PTPRT: variants seen among roughly 807,000 people sequenced by gnomAD.
PTPRT encodes protein tyrosine phosphatase receptor type T.
PTPRT carries 56 observed loss-of-function variants against 176.8 expected under a neutral mutation model. That is an observed-to-expected ratio of 0.32 (90% CI 0.26 to 0.40). The LOEUF (loss-of-function observed/expected upper bound fraction) is 0.40, where lower values mean the gene tolerates loss of function less well. Among genes scored for constraint, PTPRT ranks in the 10% least tolerant of loss-of-function variants. The probability of loss-of-function intolerance (pLI) is 1.00; values close to 1 mark genes in which losing one functional copy is unlikely to be tolerated. For synonymous variants in PTPRT, 783 were observed against 739.0 expected (o/e 1.06, Z -0.96); for missense variants, 1,540 against 1,908.2 (o/e 0.81, Z 3.60).
At chr20:42,860,273 T>C (rs2078639353) in intron 2 of PTPRT, among the ~76,000 whole-genome samples, 1 of 152,236 alleles carries the variant, frequency 6.6e-6, no homozygotes, top group Admixed American at 6.5e-5. Context: ...TGTTAATCTA[T>C]CTGTCTCTTC....
intron 1 of PTPRT, among the ~76,000 whole-genome samples, chr20:42,993,254 T>C (rs1041327430): frequency 1.3e-5 from 2 of 151,010 alleles, no homozygotes; most frequent in African/African-American, 2.5e-5. Flanking sequence ...CTGTCTCTAC[T>C]AAAAATACAA....
chr20:42,089,132 GTCT>G (rs1177728083), intron 27 of PTPRT, among the ~76,000 whole-genome samples: 2 of 151,596 alleles, frequency 1.3e-5, no homozygotes, highest in East Asian at 1.9e-4. Flanking sequence ...GTGTGTGTGT[GTCT>G]TGTCGGGCGC....
chr20:42,803,870 C>T (rs930651365), intron 2 of PTPRT, among the ~76,000 whole-genome samples: 16 of 152,132 alleles, frequency 1.1e-4, no homozygotes, highest in African/African-American at 3.6e-4. Flanking sequence ...GTGTTCTTGA[C>T]CACTGCCCTA....
chr20:42,545,764 T>A (rs2072663230), intron 7 of PTPRT, among the ~76,000 whole-genome samples: 1 of 152,172 alleles, frequency 6.6e-6, no homozygotes, highest in African/African-American at 2.4e-5. Flanking sequence ...CACATGGAGC[T>A]GGCAATGAAA....
chr20:42,437,143 A>G (rs901654017), intron 9 of PTPRT, among the ~76,000 whole-genome samples: 1 of 152,364 alleles, frequency 6.6e-6, no homozygotes, highest in Admixed American at 6.5e-5. Flanking sequence ...TGTTGTCAGC[A>G]TTCTGGTTGT....
chr20:42,099,944 T>C (rs1406148199), intron 26 of PTPRT, among the ~76,000 whole-genome samples: 1 of 152,168 alleles, frequency 6.6e-6, no homozygotes, highest in East Asian at 1.9e-4. Flanking sequence ...AGCATCAACT[T>C]TGAGCCATTT....
chr20:42,634,692 T>G (rs1349907332), intron 7 of PTPRT, among the ~76,000 whole-genome samples: 4 of 152,078 alleles, frequency 2.6e-5, no homozygotes, highest in Admixed American at 6.6e-5. Context: ...CCCCAACCCC[T>G]GCTTATGTGA....
intron 7 of PTPRT, among the ~76,000 whole-genome samples, chr20:42,656,937 C>T (rs902381141): frequency 5.9e-5 from 9 of 152,052 alleles, no homozygotes; most frequent in African/African-American, 1.9e-4. Flanking sequence ...ACTGACAAAT[C>T]CAAGTGATAT....
intron 13 of PTPRT, chr20:42,270,250 G>T (rs1248156309): frequency 2.8e-6 from 2 of 706,520 alleles, no homozygotes; most frequent in African/African-American, 1.8e-5. Flanking sequence ...ATGAATGAAT[G>T]TGTGGGTTGA....
intron 14 of PTPRT, among the ~76,000 whole-genome samples, chr20:42,245,006 T>A (rs890864299): frequency 3.3e-5 from 5 of 152,184 alleles, no homozygotes; most frequent in Non-Finnish European, 7.3e-5. Flanking sequence ...TGATCAGGAC[T>A]GCAGTGCTGA....
At chr20:42,056,468 A>G in the PTPRT span, among the ~76,000 whole-genome samples, 2 of 152,236 alleles carry the variant, frequency 1.3e-5, no homozygotes, top group African/African-American at 4.8e-5. Flanking sequence ...GTATCCCTGC[A>G]TCCTTTATTC....
intron 2 of PTPRT, among the ~76,000 whole-genome samples, chr20:42,852,804 G>C (rs1405832144): frequency 1.3e-5 from 2 of 152,152 alleles, no homozygotes; most frequent in African/African-American, 4.8e-5. Flanking sequence ...GTGCAGAAGA[G>C]AACAGACTGA....
intron 19 of PTPRT, among the ~76,000 whole-genome samples, chr20:42,124,642 T>C (rs1020058234): frequency 2.6e-5 from 4 of 152,182 alleles, no homozygotes; most frequent in African/African-American, 9.7e-5. Flanking sequence ...CCAGGAAGGA[T>C]TGTGGCTGCG....
intron 2 of PTPRT, among the ~76,000 whole-genome samples, chr20:42,835,672 T>A (rs904749288): frequency 1.3e-5 from 2 of 152,182 alleles, no homozygotes; most frequent in Admixed American, 6.5e-5. Context: ...AGAGAATGAA[T>A]GATACCAAAT....
chr20:42,049,713 C>T, the PTPRT span, among the ~76,000 whole-genome samples: 5 of 152,146 alleles, frequency 3.3e-5, no homozygotes, highest in African/African-American at 1.2e-4. Flanking sequence ...TACAGAAATC[C>T]TCAATTTTCA....
At chr20:42,368,303 C>T (rs555571135) in intron 9 of PTPRT, among the ~76,000 whole-genome samples, 3 of 152,278 alleles carry the variant, frequency 2.0e-5, no homozygotes, top group African/African-American at 7.2e-5. Flanking sequence ...ATGGCCATCC[C>T]AAGCTAAATC....
intron 15 of PTPRT, among the ~76,000 whole-genome samples, chr20:42,207,047 G>T (rs1040619185): frequency 3.0e-4 from 46 of 152,078 alleles, no homozygotes; most frequent in Non-Finnish European, 5.4e-4. Context: ...CACCTCACAA[G>T]GCAGGGTATT....
rs567033490 is a variant in PTPRT at position 42,943,783 on chromosome 20, G to A, written c.89-57851C>T. Among the ~76,000 whole-genome samples, 91 of 152,228 alleles carry A rather than the reference G, an allele frequency of 6.0e-4. 2 individuals carry two copies. The highest frequency in any genetic ancestry group is 4.1e-4 in the Non-Finnish European group (28 of 68,022). Reference sequence around the variant, plus strand: ...TAATCTCAGCACTTTGGGAGGCCAAGACAGGAAGATCATTCCAGCCTGGGA... The same window carrying A: ...TAATCTCAGCACTTTGGGAGGCCAAAACAGGAAGATCATTCCAGCCTGGGA... On this transcript the variant is annotated intron_variant, in intron 1 of 30. Coordinates refer to ENST00000373187, the MANE Select transcript of PTPRT (RefSeq NM_007050.6).
At chr20:42,362,720 C>T (rs2058447074) in intron 9 of PTPRT, among the ~76,000 whole-genome samples, 1 of 152,118 alleles carries the variant, frequency 6.6e-6, no homozygotes, top group Non-Finnish European at 1.5e-5. Flanking sequence ...TGTGGTTATA[C>T]AAGATGCTAA....
Sources: allele counts gnomAD v4.1 joint callset (sites outside exome capture counted in the v4.1 genomes callset), GRCh38; gene constraint gnomAD v4.1.1; transcripts MANE v1.5; gene names NCBI Gene and HGNC (gene_info 2026-07-23, HGNC 2026-07-21).